FAS: variants seen among roughly 807,000 people sequenced by gnomAD.
FAS encodes the protein Fas cell surface death receptor, also known as tumor necrosis factor receptor superfamily member 6.
A neutral mutation model predicts 33.2 loss-of-function variants in FAS; 5 were observed. The ratio of observed to expected loss-of-function variants is 0.15; its 90% CI spans 0.08 to 0.32. FAS has a LOEUF of 0.32. Ranked by LOEUF, FAS falls within the 10% of genes least tolerant of loss-of-function variation. The pLI, the probability that FAS is intolerant of heterozygous loss-of-function variation, is 1.00. For missense variants in FAS, 339 were observed against 386.0 expected, an observed-to-expected ratio of 0.88 and a Z score of 1.02; for synonymous variants, 131 against 130.7, an observed-to-expected ratio of 1.00 and a Z score of -0.01.
At chr10:88,973,256 A>G in exon 2 of FAS, 2 of 1,612,652 alleles carry the variant, frequency 1.2e-6, no homozygotes, top group African/African-American at 1.3e-5. Context: ...GCTATGGACC[A>G]AATGGATTCC....
intron 2 of FAS, among the ~76,000 whole-genome samples, chr10:89,005,176 AGGG>A (rs1183168543): frequency 5.5e-4 from 55 of 100,342 alleles, no homozygotes; most frequent in Middle Eastern, 3.9e-3. Context: ...TCAAAAACGA[AGGG>A]AGGGAGGGAG....
intron 5 of FAS, 40 bp downstream of exon 5, chr10:89,010,640 C>T: frequency 6.2e-7 from 1 of 1,607,008 alleles, no homozygotes; most frequent in Non-Finnish European, 8.5e-7. Context: ...TTTCCCCCAA[C>T]CCCATGGAAA....
intron 1 of FAS, among the ~76,000 whole-genome samples, chr10:88,968,763 G>T (rs1846368124): frequency 6.6e-6 from 1 of 152,164 alleles, no homozygotes; most frequent in Non-Finnish European, 1.5e-5. Context: ...GGCAGCTGTT[G>T]ATATAGGCAT....
chr10:89,014,186 T>C lies in FAS; in HGVS notation c.744T>C (p.Phe248=), dbSNP rs1178178412. The stretch of plus-strand genomic sequence containing the variant: ...TGACACTAAGTCAAGTTAAAGGCTT[T>C]GTTCGAAAGAATGGTGTCAATGAAG... The part of the protein sequence containing the change: ...GVMTLSQVKG[F]VRKNGVNEAK... Residue 248 remains phenylalanine (F), a synonymous_variant, in exon 9 of 9, where the codon TTT becomes TTC. Coordinates refer to ENST00000652046, the MANE Select transcript of FAS (RefSeq NM_000043.6). 6.2e-7 allele frequency: 1 copy of C among 1,613,942 alleles called. No homozygotes were observed. Among genetic ancestry groups the C allele is most frequent in the Admixed American group, 1.7e-5 (1 of 60,024 alleles).
intron 1 of FAS, among the ~76,000 whole-genome samples, chr10:88,972,390 A>G (rs1471621228): frequency 6.6e-6 from 1 of 152,184 alleles, no homozygotes; most frequent in Non-Finnish European, 1.5e-5. Flanking sequence ...GAGAACAGGG[A>G]GTTTAGGAAA....
At chr10:88,965,543 C>T (rs1320409100) in intron 1 of FAS, among the ~76,000 whole-genome samples, 1 of 152,164 alleles carries the variant, frequency 6.6e-6, no homozygotes, top group African/African-American at 2.4e-5. Context: ...GCCTAGTGTA[C>T]TTGCCTTAGG....
chr10:88,975,672 C>T lies in FAS; in HGVS notation n.260+2325C>T, dbSNP rs1361262162. Among the ~76,000 whole-genome samples the T allele has an allele frequency of 2.0e-5, 3 of 151,992 alleles. No individual in the cohort carries two copies. In the East Asian group the frequency reaches 5.8e-4, roughly 29 times the overall value. On this transcript the variant is annotated intron_variant and non_coding_transcript_variant, in intron 2 of 3. Coordinates refer to the FAS transcript ENST00000688239. Reference sequence around the variant, plus strand: ...TTTTTTTCAATGTTGGTCAATGCTGCGCCTCCAGGTCATAAAACAGTGCCT... The same window carrying T: ...TTTTTTTCAATGTTGGTCAATGCTGTGCCTCCAGGTCATAAAACAGTGCCT...
chr10:88,991,687 T>C (rs1847230902), intron 1 of FAS: 1 of 152,626 alleles, frequency 6.6e-6, no homozygotes, highest in Non-Finnish European at 1.5e-5. Context: ...CTTTCTTCTT[T>C]TGCCCTTTCT....
intron 2 of FAS, among the ~76,000 whole-genome samples, chr10:89,007,054 G>C (rs1376124887): frequency 6.6e-6 from 1 of 152,178 alleles, no homozygotes; most frequent in East Asian, 1.9e-4. Flanking sequence ...AGAACAAAGA[G>C]AACTCTCATG....
chr10:88,985,332 T>C (rs1335614710), upstream of FAS, among the ~76,000 whole-genome samples: 1 of 152,204 alleles, frequency 6.6e-6, no homozygotes, highest in Non-Finnish European at 1.5e-5. Flanking sequence ...GGAAAATGTC[T>C]ATATGCTCAT....
rs759712537 is a variant in FAS, at chr10:89,015,450, A to G, written c.*1000A>G. 1 of 534,336 alleles carries G rather than the reference A, an allele frequency of 1.9e-6. No homozygotes were observed. The highest frequency in any genetic ancestry group is 1.5e-5 in the South Asian group (1 of 65,004). 33.1% of individuals were successfully genotyped at this position (534,336 alleles called of 1,614,324 possible). ...CCCCGAAAATGTTCAATAATGTCCC[A>G]TGTAAAACCTGCTACAAATGGCAGC... On this transcript the variant is annotated 3_prime_UTR_variant, in exon 9 of 9. Coordinates refer to ENST00000652046, the MANE Select transcript of FAS (RefSeq NM_000043.6).
chr10:89,015,269 AAATACTT>A lies in FAS; in HGVS notation c.*824_*830del. 1.9e-6 allele frequency: 1 copy of A among 534,820 alleles called. No individual in the cohort carries two copies. Among genetic ancestry groups the A allele is most frequent in the African/African-American group, 1.9e-5 (1 of 53,992 alleles). 33.1% of individuals were successfully genotyped at this position (534,820 alleles called of 1,614,324 possible). On this transcript the variant is annotated 3_prime_UTR_variant, in exon 9 of 9. Transcript: ENST00000652046. Reference sequence around the variant, plus strand: ...CCCCAAACATGGAAATATCACCAAAAAATACTTAATAGTCCACCAAAAGGCAAGACTG... The same window carrying A: ...CCCCAAACATGGAAATATCACCAAAAAATAGTCCACCAAAAGGCAAGACTG...
intron 1 of FAS, among the ~76,000 whole-genome samples, chr10:88,995,569 C>A (rs952918282): frequency 6.6e-6 from 1 of 152,082 alleles, no homozygotes; most frequent in East Asian, 1.9e-4. Flanking sequence ...CACCTGTCAC[C>A]CAGCACTTCA....
chr10:88,975,824 C>T (rs1055455105), intron 2 of FAS, among the ~76,000 whole-genome samples: 4 of 152,162 alleles, frequency 2.6e-5, no homozygotes, highest in African/African-American at 7.2e-5. Context: ...TGAATCTGTC[C>T]TCTATGCTTA....
chr10:89,007,561 T>G, intron 2 of FAS, 139 bp from the exon 3 acceptor site: 1,904 of 877,220 alleles, frequency 2.2e-3, no homozygotes, highest in Non-Finnish European at 2.8e-3. Context: ...TTCTCCCCCA[T>G]TGTATTTATA....
chr10:89,005,744 T>C (rs1222963407), intron 2 of FAS, among the ~76,000 whole-genome samples: 1 of 152,164 alleles, frequency 6.6e-6, no homozygotes, highest in Non-Finnish European at 1.5e-5. Flanking sequence ...TTCAAGCAAT[T>C]CTGCAGCCTC....
intron 4 of FAS, among the ~76,000 whole-genome samples, chr10:89,010,110 C>G (rs552317910): frequency 6.6e-6 from 1 of 152,264 alleles, no homozygotes; most frequent in African/African-American, 2.4e-5. Flanking sequence ...GAGTACCCTC[C>G]CTGAGCTACA....
intron 4 of FAS, 42 bp from the exon 5 acceptor site, chr10:89,010,497 T>G: frequency 6.5e-7 from 1 of 1,548,190 alleles, no homozygotes; most frequent in South Asian, 1.1e-5. Flanking sequence ...AAAGGAATTA[T>G]TCTGCCAGGC....
chr10:88,991,354 T>C (rs1847200958), intron 1 of FAS: 1 of 310,278 alleles, frequency 3.2e-6, no homozygotes, highest in Non-Finnish European at 6.2e-6. Flanking sequence ...CCGGCGCGGG[T>C]GGGTGAGTGC....
Sources: allele counts gnomAD v4.1 joint callset (sites outside exome capture counted in the v4.1 genomes callset), GRCh38; gene constraint gnomAD v4.1.1; transcripts MANE v1.5; gene names NCBI Gene and HGNC (gene_info 2026-07-23, HGNC 2026-07-21).